DGKZ: variants seen among roughly 807,000 people sequenced by gnomAD.
DGKZ encodes diacylglycerol kinase zeta, also known as DAG kinase zeta.
DGKZ carries 45 observed loss-of-function variants against 142.5 expected under a neutral mutation model. That is an observed-to-expected ratio of 0.32 (90% CI 0.25 to 0.40). DGKZ has a LOEUF of 0.40. Ranked by LOEUF, DGKZ falls within the 10% of genes least tolerant of loss-of-function variation. The pLI is 1.00. For missense variants in DGKZ, 755 were observed against 1,306.5 expected (o/e 0.58, Z 6.51); for synonymous variants, 442 against 527.0 (o/e 0.84, Z 2.21).
rs1013269703 is a variant in DGKZ at position 46,367,453 on chromosome 11, G to A, written c.270+54G>A. 111 of 1,571,888 alleles carry A rather than the reference G, an allele frequency of 7.1e-5. No individual in the cohort carries two copies. The highest frequency in any genetic ancestry group is 1.0e-5 in the Non-Finnish European group (12 of 1,149,114). On this transcript the variant is annotated intron_variant, in intron 2 of 30. Transcript: ENST00000527911. The surrounding 1 kb of genome is among the most constrained non-coding windows in gnomAD (Gnocchi z 4.1). Reference sequence around the variant, plus strand: ...GACCCTCTGGGCTCTTGGCCAAGGCGCAGCTGGCGGGTGGAGGCACTAAAG... The same window carrying A: ...GACCCTCTGGGCTCTTGGCCAAGGCACAGCTGGCGGGTGGAGGCACTAAAG...
intron 22 of DGKZ, 37 bp from the exon 23 acceptor site, chr11:46,376,291 C>A (rs756630190): frequency 1.2e-6 from 2 of 1,613,184 alleles, no homozygotes; most frequent in East Asian, 2.2e-5. Context: ...CCCTGGCCCC[C>A]ACTCTATCCC....
rs559755483 is a variant in DGKZ, at chr11:46,363,799, G to A, written c.162-3492G>A. On this transcript the variant is annotated intron_variant, in intron 1 of 30. Coordinates refer to ENST00000527911, the Ensembl canonical transcript of DGKZ. ...GGCAGGCAGGAAAGCTGACACCCTG[G>A]GGAGGGCTGGCAGGCCGGTGCCCTG... 1.3e-3 allele frequency among the ~76,000 whole-genome samples: 203 copies of A among 152,358 alleles called. No homozygotes were observed. The Middle Eastern group carries it at 0.014, about 10-fold the overall frequency.
At chr11:46,337,493 G>A (rs1441084690) in intron 1 of DGKZ, among the ~76,000 whole-genome samples, 3 of 151,654 alleles carry the variant, frequency 2.0e-5, no homozygotes, top group Non-Finnish European at 1.5e-5. Context: ...ACGGGGTTTC[G>A]CCATGTTGGC....
At position 46,372,186 on chromosome 11, in the gene DGKZ, C is replaced by T. The variant is rs375976163; in HGVS notation, c.927+16C>T. The stretch of plus-strand genomic sequence containing the variant: ...GGGCAACCAGGTGAACGCGGCCTTG[C>T]CTCTCAGCTAAGGGCTCGGGCGGGG... On this transcript the variant is annotated intron_variant, in intron 10 of 30. Coordinates refer to ENST00000527911, the Ensembl canonical transcript of DGKZ. This position sits in a 1 kb window ranked among gnomAD's most constrained non-coding sequence, Gnocchi z 5.9. The T allele has an allele frequency of 5.0e-5, 80 of 1,592,772 alleles. No individual in the cohort carries two copies. The highest frequency in any genetic ancestry group is 6.7e-5 in the Non-Finnish European group (78 of 1,167,618).
exon 7 of DGKZ, chr11:46,371,365 G>T: frequency 6.2e-7 from 1 of 1,613,878 alleles, no homozygotes; most frequent in Non-Finnish European, 8.5e-7. Flanking sequence ...GCCATCAGCT[G>T]CTCGTGGTGC....
At chr11:46,350,057 G>T (rs982607796) in intron 1 of DGKZ, among the ~76,000 whole-genome samples, 9 of 152,220 alleles carry the variant, frequency 5.9e-5, no homozygotes, top group Admixed American at 4.6e-4. Flanking sequence ...TGAGAGGAAA[G>T]AAAATTCAGC....
chr11:46,371,263 T>C (rs774497900), intron 6 of DGKZ, 50 bp from the exon 7 acceptor site: 2 of 1,567,480 alleles, frequency 1.3e-6, no homozygotes, highest in Admixed American at 3.4e-5. Flanking sequence ...AGGGGCTGGG[T>C]CTGCTGCTCC....
chr11:46,353,292 CT>C (rs1184481040), intron 1 of DGKZ, among the ~76,000 whole-genome samples: 7 of 152,216 alleles, frequency 4.6e-5, no homozygotes, highest in Non-Finnish European at 1.0e-4. Flanking sequence ...GGCCACTCTA[CT>C]TAGGAGTACT....
intron 1 of DGKZ, among the ~76,000 whole-genome samples, chr11:46,354,000 A>G (rs1350420257): frequency 6.6e-6 from 1 of 152,130 alleles, no homozygotes; most frequent in Non-Finnish European, 1.5e-5. Context: ...GAAAGGGGGC[A>G]AGCTGGTTCT....
intron 1 of DGKZ, among the ~76,000 whole-genome samples, chr11:46,338,263 G>A (rs542515426): frequency 4.6e-5 from 7 of 152,228 alleles, no homozygotes; most frequent in Non-Finnish European, 1.0e-4. Context: ...TTGGGAGGCT[G>A]AGGCAGGTGG....
intron 1 of DGKZ, chr11:46,366,353 GC>G: frequency 6.5e-7 from 1 of 1,532,508 alleles, no homozygotes; most frequent in South Asian, 1.2e-5. Flanking sequence ...CACAGGCAAG[GC>G]CCGGCGTCGC....
At position 46,367,342 on chromosome 11, in the gene DGKZ, C is replaced by T. The variant is rs149537688; in HGVS notation, c.213C>T (p.Thr71=). ...AGCACCTGGCCCCCCCTCCGCCCAC[C>T]CCTGGGGCCCCGTGCAGCGAGTCAG... Residue 71 remains threonine, a synonymous_variant, in exon 2 of 31, where the codon ACC becomes ACT. Coordinates refer to ENST00000527911, the Ensembl canonical transcript of DGKZ. This position sits in a 1 kb window ranked among gnomAD's most constrained non-coding sequence, Gnocchi z 4.1. 381 of 1,613,120 alleles carry T rather than the reference C, an allele frequency of 2.4e-4. No homozygotes were observed. In the African/African-American group the frequency reaches 4.5e-3, roughly 19 times the overall value.
At chr11:46,376,303 G>C (rs557067812) in intron 22 of DGKZ, 25 bp from the exon 23 acceptor site, 1 of 1,613,688 alleles carries the variant, frequency 6.2e-7, no homozygotes, top group South Asian at 1.1e-5. Context: ...CTCTATCCCA[G>C]CCTGGCCTTT....
exon 6 of DGKZ, chr11:46,369,981 A>T (rs1943767252): frequency 6.2e-7 from 1 of 1,613,684 alleles, no homozygotes; most frequent in African/African-American, 1.3e-5. Flanking sequence ...AGACGACGCC[A>T]GGACGGCAAG....
In DGKZ at chr11:46,372,717, G is replaced by A. The variant is rs1276067202; in HGVS notation, c.1071+40G>A. 6.2e-7 allele frequency: 1 copy of A among 1,611,926 alleles called. No individual in the cohort carries two copies. ...TGGGCCAGCCGAGCACCAGGGCTGG[G>A]CCTGAAGCCGGGGTCCCTGTGGGCC... On this transcript the variant is annotated intron_variant, in intron 12 of 30. Transcript: ENST00000527911. The surrounding 1 kb of genome is among the most constrained non-coding windows in gnomAD (Gnocchi z 5.9).
At chr11:46,345,219 G>A, upstream of DGKZ, 1 of 1,328,458 alleles carries the variant, frequency 7.5e-7, no homozygotes, top group South Asian at 2.0e-5. The surrounding 1 kb of genome is among the most constrained non-coding windows in gnomAD (Gnocchi z 4.1). Flanking sequence ...CTGCTGGTCT[G>A]GGCTTGTCCC....
chr11:46,366,545 A>G (rs1257969697), intron 1 of DGKZ: 2 of 1,600,346 alleles, frequency 1.2e-6, no homozygotes, highest in Non-Finnish European at 8.5e-7. Context: ...TCCACAGCCT[A>G]CCACCGTGGG....
intron 14 of DGKZ, among the ~76,000 whole-genome samples, chr11:46,373,564 C>G (rs540441981): frequency 6.0e-5 from 9 of 150,408 alleles, no homozygotes; most frequent in Non-Finnish European, 1.2e-4. Flanking sequence ...GTGGCACAGT[C>G]TTGGCTCACT....
chr11:46,376,958 A>G (rs1944619612), intron 24 of DGKZ, 115 bp from the exon 25 acceptor site: 2 of 940,252 alleles, frequency 2.1e-6, no homozygotes, highest in Admixed American at 2.2e-5. Flanking sequence ...TTGCCTGGCC[A>G]CCTCCTTTCA....
Sources: gnomAD v4.1 joint callset for allele counts (sites outside exome capture counted in the v4.1 genomes callset) on GRCh38, gnomAD v4.1.1 for gene constraint, Gnocchi (gnomAD v3.1) non-coding constraint, MANE v1.5 for transcripts, NCBI Gene and HGNC (gene_info 2026-07-23, HGNC 2026-07-21) for gene names.